CD58: variants seen among roughly 807,000 people sequenced by gnomAD.
The protein encoded by CD58 is lymphocyte function-associated antigen 3.
A neutral mutation model predicts 27.6 loss-of-function variants in CD58; 14 were observed. The ratio of observed to expected loss-of-function variants is 0.51; its 90% CI spans 0.34 to 0.79. CD58 has a LOEUF of 0.79. Among genes scored for constraint, CD58 ranks in the 30% least tolerant of loss-of-function variants. The pLI, the probability that CD58 is intolerant of heterozygous loss-of-function variation, is 0.02. For missense variants in CD58, 268 were observed against 301.7 expected (o/e 0.89, Z 0.83); for synonymous variants, 117 against 103.8 (o/e 1.13, Z -0.77).
intron 2 of CD58, among the ~76,000 whole-genome samples, chr1:116,543,642 G>C (rs1421419151): frequency 6.6e-6 from 1 of 152,148 alleles, no homozygotes; most frequent in Non-Finnish European, 1.5e-5. Context: ...TGGTGCAGGA[G>C]CTGGGTGTGG....
At chr1:116,567,389 A>T (rs1290886001) in intron 1 of CD58, among the ~76,000 whole-genome samples, 1 of 151,876 alleles carries the variant, frequency 6.6e-6, no homozygotes, top group Non-Finnish European at 1.5e-5. Context: ...TAATCCCAAC[A>T]CTTCGGTAGG....
Position 116,528,895 on chromosome 1 carries a change from C to G in CD58, c.629-6912G>C, listed in dbSNP as rs112128772. Among the ~76,000 whole-genome samples, 1 of 152,148 alleles carries G rather than the reference C, an allele frequency of 6.6e-6. No homozygotes were observed. Among genetic ancestry groups the G allele is most frequent in the African/African-American group, 2.4e-5 (1 of 41,440 alleles). On this transcript the variant is annotated intron_variant, in intron 3 of 5. Coordinates refer to ENST00000369489, the MANE Select transcript of CD58 (RefSeq NM_001779.3). The surrounding 1 kb of genome is among the most constrained non-coding windows in gnomAD (Gnocchi z 4.4). ...AACAATGACCTCCTAAGTGCCAAAT[C>G]CACAACCTCTTCTACATTGTCCTCC...
rs1331208980 is a variant in CD58, at chr1:116,524,056, G to A, written c.629-2073C>T. Among the ~76,000 whole-genome samples the A allele has an allele frequency of 2.6e-5, 4 of 152,136 alleles. No homozygotes were observed. The highest frequency in any genetic ancestry group is 4.4e-5 in the Non-Finnish European group (3 of 68,028). ...AGGGAACCTCTTCAGAGTGGCTCCT[G>A]AGTCCTGTTCGTACCATCATGTTAA... is the stretch of plus-strand genomic sequence containing the variant. On this transcript the variant is annotated intron_variant, in intron 3 of 5. Transcript: ENST00000369489. The surrounding 1 kb of genome is among the most constrained non-coding windows in gnomAD (Gnocchi z 4.6).
rs1260644859 is a variant in CD58 at position 116,570,566 on chromosome 1, G to T, written c.70+337C>A. Among the ~76,000 whole-genome samples the T allele has an allele frequency of 1.3e-5, 2 of 152,036 alleles. No homozygotes were observed. Among genetic ancestry groups the T allele is most frequent in the African/African-American group, 2.4e-5 (1 of 41,422 alleles). On this transcript the variant is annotated intron_variant, in intron 1 of 5. Coordinates refer to ENST00000369489, the MANE Select transcript of CD58 (RefSeq NM_001779.3). The surrounding 1 kb of genome is among the most constrained non-coding windows in gnomAD (Gnocchi z 6.4). ...TTTGCAGTCCGCTGAAGCGCTCAGC[G>T]ACGTTACTGGGGAAGCCCAGGAAGG...
rs558234933 is a variant in CD58 at position 116,527,215 on chromosome 1, G to A, written c.629-5232C>T. ...TAGTTAGTGCTTATAGTACAATACT[G>A]AAAAGGAGTGGTGAGAAGAACATTA... is the stretch of plus-strand genomic sequence containing the variant. On this transcript the variant is annotated intron_variant, in intron 3 of 5. Coordinates refer to ENST00000369489, the MANE Select transcript of CD58 (RefSeq NM_001779.3). The surrounding 1 kb of genome is among the most constrained non-coding windows in gnomAD (Gnocchi z 4.4). Among the ~76,000 whole-genome samples the A allele has an allele frequency of 1.3e-5, 2 of 152,124 alleles. No homozygotes were observed. The highest frequency in any genetic ancestry group is 2.9e-5 in the Non-Finnish European group (2 of 68,012).
At chr1:116,553,681 C>T (rs558669805) in intron 1 of CD58, among the ~76,000 whole-genome samples, 5 of 152,254 alleles carry the variant, frequency 3.3e-5, no homozygotes, top group African/African-American at 1.2e-4. Context: ...AGCAAAGATG[C>T]CCAGTAGCTG....
In CD58 at chr1:116,538,619, C is replaced by A. The variant is rs576291157; in HGVS notation, c.365-2391G>T. ...TCCCAGGTGCTTCTGATGTATGTGG[C>A]CTGTTTGTTCTGTTGCAGATTCTAA... On this transcript the variant is annotated intron_variant, in intron 2 of 5. Coordinates refer to ENST00000369489, the MANE Select transcript of CD58 (RefSeq NM_001779.3). This position sits in a 1 kb window ranked among gnomAD's most constrained non-coding sequence, Gnocchi z 4.7. 2.3e-4 allele frequency among the ~76,000 whole-genome samples: 35 copies of A among 152,272 alleles called. No individual in the cohort carries two copies. Among genetic ancestry groups the A allele is most frequent in the Non-Finnish European group, 4.0e-4 (27 of 68,022 alleles).
Position 116,521,972 on chromosome 1 carries a change from G to A in CD58, c.640C>T (p.His214Tyr), listed in dbSNP as rs1030561494. 1.9e-6 allele frequency: 3 copies of A among 1,561,222 alleles called. No individual in the cohort carries two copies. Among genetic ancestry groups the A allele is most frequent in the Non-Finnish European group, 2.6e-6 (3 of 1,136,204 alleles). ...TCIPSSGHSR[H>Y]RYALIPIPLA... ...GGTATGGGTATAAGTGCATATCTGT[G>A]TCTTGAATGACCTATAAAAAAGAAA... The change falls in exon 4 of 6, where the codon CAC (histidine) becomes TAC (tyrosine). Residue 214 changes from histidine (H) to tyrosine (Y), a missense_variant. Physicochemically the swap from His to Tyr is moderately conservative, Grantham distance 83. Coordinates refer to ENST00000369489, the MANE Select transcript of CD58 (RefSeq NM_001779.3). This position sits in a 1 kb window ranked among gnomAD's most constrained non-coding sequence, Gnocchi z 5.6.
In CD58 at chr1:116,561,139, G is replaced by T. The variant is rs149384403; in HGVS notation, c.70+9764C>A. ...ACCCTCAAAGCCTGTATTTACTAAA[G>T]AAATGTTAGAGTGACAAGGAGGTCA... On this transcript the variant is annotated intron_variant, in intron 1 of 5. Transcript: ENST00000369489. 4.6e-3 allele frequency among the ~76,000 whole-genome samples: 704 copies of T among 152,312 alleles called. 2 individuals carry two copies. The highest frequency in any genetic ancestry group is 0.016 in the African/African-American group (668 of 41,572).
At position 116,531,933 on chromosome 1, in the gene CD58, C is replaced by T. The variant is rs1282371794; in HGVS notation, c.628+4032G>A. 1.3e-5 allele frequency among the ~76,000 whole-genome samples: 2 copies of T among 152,256 alleles called. No individual in the cohort carries two copies. Among genetic ancestry groups the T allele is most frequent in the African/African-American group, 4.8e-5 (2 of 41,464 alleles). On this transcript the variant is annotated intron_variant, in intron 3 of 5. Transcript: ENST00000369489. This position sits in a 1 kb window ranked among gnomAD's most constrained non-coding sequence, Gnocchi z 4.5. ...CTGTCACCCACTTGGAAACCCCACT[C>T]ACCAGCCACCAACCGGTCACACCAA...
At chr1:116,547,033 G>T (rs1185985747) in intron 1 of CD58, among the ~76,000 whole-genome samples, 1 of 148,454 alleles carries the variant, frequency 6.7e-6, no homozygotes. Flanking sequence ...CAATAGTTTT[G>T]GGGGAACAGG....
At chr1:116,529,062 C>T (rs944638323) in intron 3 of CD58, among the ~76,000 whole-genome samples, 1 of 152,172 alleles carries the variant, frequency 6.6e-6, no homozygotes, top group African/African-American at 2.4e-5. Flanking sequence ...TTTCCTCAGC[C>T]CTTGTAAAGT....
chr1:116,519,210 C>T lies in CD58; in HGVS notation c.743+21G>A, dbSNP rs774606563. The T allele has an allele frequency of 1.2e-6, 2 of 1,612,182 alleles. No homozygotes were observed. Among genetic ancestry groups the T allele is most frequent in the Non-Finnish European group, 1.7e-6 (2 of 1,179,130 alleles). On this transcript the variant is annotated intron_variant, in intron 5 of 5. Transcript: ENST00000369489. The surrounding 1 kb of genome is among the most constrained non-coding windows in gnomAD (Gnocchi z 4.7). ...GCTGCTGTTGTTCTGGCACAGAGTG[C>T]ACAGCCTGCAGTGTACTTACTTGGT...
rs1390044883 is a variant in CD58, at chr1:116,559,259, C to A, written c.70+11644G>T. On this transcript the variant is annotated intron_variant, in intron 1 of 5. Transcript: ENST00000369489. The surrounding 1 kb of genome is among the most constrained non-coding windows in gnomAD (Gnocchi z 4.4). ...AAAGGAGTTATTTCTTGAGAACACG[C>A]CTATCAAAGTAAGGTGGTTTGCTCC... Among the ~76,000 whole-genome samples, 1 of 152,054 alleles carries A rather than the reference C, an allele frequency of 6.6e-6. No homozygotes were observed. The highest frequency in any genetic ancestry group is 2.4e-5 in the African/African-American group (1 of 41,368).
intron 1 of CD58, among the ~76,000 whole-genome samples, chr1:116,565,634 A>G (rs562126159): frequency 6.6e-6 from 1 of 152,228 alleles, no homozygotes; most frequent in South Asian, 2.1e-4. Context: ...TGAGATACAA[A>G]AAAATACATA....
At chr1:116,544,168 C>G (rs1444640658) in intron 2 of CD58, 143 bp downstream of exon 2, 9 of 614,042 alleles carry the variant, frequency 1.5e-5, no homozygotes, top group South Asian at 1.3e-4. Context: ...GCTAGCTCCT[C>G]TATACCAGAA....
At chr1:116,537,602 A>T (rs1657854303) in intron 2 of CD58, among the ~76,000 whole-genome samples, 1 of 152,172 alleles carries the variant, frequency 6.6e-6, no homozygotes, top group Admixed American at 6.5e-5. Flanking sequence ...TTCTTCTAGG[A>T]AGTGCCTCCT....
In CD58 at chr1:116,541,614, C is replaced by T. The variant is rs11811301; in HGVS notation, c.364+2697G>A. Among the ~76,000 whole-genome samples, 5,925 of 152,192 alleles carry T rather than the reference C, an allele frequency of 0.039. 384 individuals carry two copies. Among genetic ancestry groups the T allele is most frequent in the African/African-American group, 0.13 (5,560 of 41,478 alleles). ...AGACTGACCAGCTGAAAGGATGGGG[C>T]TGCCATTAACCAAAAGGGAAAAGAT... On this transcript the variant is annotated intron_variant, in intron 2 of 5. Coordinates refer to ENST00000369489, the MANE Select transcript of CD58 (RefSeq NM_001779.3). This position sits in a 1 kb window ranked among gnomAD's most constrained non-coding sequence, Gnocchi z 5.3.
In CD58 at chr1:116,523,536, A is replaced by G. The variant is rs1055766311; in HGVS notation, c.629-1553T>C. Among the ~76,000 whole-genome samples the G allele has an allele frequency of 5.9e-5, 9 of 152,220 alleles. No homozygotes were observed. The highest frequency in any genetic ancestry group is 4.4e-5 in the Non-Finnish European group (3 of 68,028). On this transcript the variant is annotated intron_variant, in intron 3 of 5. Coordinates refer to ENST00000369489, the MANE Select transcript of CD58 (RefSeq NM_001779.3). The surrounding 1 kb of genome is among the most constrained non-coding windows in gnomAD (Gnocchi z 4.4). Reference sequence around the variant, plus strand: ...GAGAAGACCCTGGCCAGAAACTGCTAGGTGCCCCCGAACATCATTTTCCCT... The same window carrying G: ...GAGAAGACCCTGGCCAGAAACTGCTGGGTGCCCCCGAACATCATTTTCCCT...
Sources: allele counts gnomAD v4.1 joint callset (sites outside exome capture counted in the v4.1 genomes callset), GRCh38; gene constraint gnomAD v4.1.1; non-coding constraint Gnocchi (gnomAD v3.1); transcripts MANE v1.5; gene names NCBI Gene and HGNC (gene_info 2026-07-23, HGNC 2026-07-21).